TNIP3: variants seen among roughly 807,000 people sequenced by gnomAD.
TNIP3 encodes the protein TNFAIP3-interacting protein 3.
In TNIP3, 34 loss-of-function variants were observed where a neutral mutation model predicts 54.1. That is an observed-to-expected ratio of 0.63 (90% CI 0.48 to 0.84). TNIP3 has a LOEUF of 0.84. Among genes scored for constraint, TNIP3 ranks in the 40% least tolerant of loss-of-function variants. TNIP3 has a pLI of 0.00. For synonymous variants in TNIP3, 134 were observed against 136.8 expected, an observed-to-expected ratio of 0.98 and a Z score of 0.14; for missense variants, 366 against 387.6, an observed-to-expected ratio of 0.94 and a Z score of 0.47.
rs10672885 is a variant in TNIP3, at chr4:121,160,476, CA to C, written c.147+659del. Reference sequence around the variant, plus strand: ...CCTGGGTGACAGAGCAACACTGTCTCAAAAAAAAAAAAGAAGGAATTACAAA... The same window carrying C: ...CCTGGGTGACAGAGCAACACTGTCTCAAAAAAAAAAAGAAGGAATTACAAA... On this transcript the variant is annotated intron_variant, in intron 2 of 10. Coordinates refer to ENST00000057513, the MANE Select transcript of TNIP3 (RefSeq NM_024873.6). Among the ~76,000 whole-genome samples the C allele has an allele frequency of 2.6e-3, 360 of 137,602 alleles. 3 individuals are homozygous for C. Among genetic ancestry groups the C allele is most frequent in the African/African-American group, 4.4e-3 (168 of 38,348 alleles). The allele number at this position is 137,602 out of a possible 152,430, so 90.3% of individuals were successfully genotyped here.
rs1728526462 is a variant in TNIP3 at position 121,132,413 on chromosome 4, T to C, written c.*218A>G. 4.3e-6 allele frequency: 2 copies of C among 460,074 alleles called. No individual in the cohort carries two copies. The highest frequency in any genetic ancestry group is 3.8e-5 in the Admixed American group (1 of 26,132). 28.5% of individuals were successfully genotyped at this position (460,074 alleles called of 1,614,324 possible). A position where few individuals can be genotyped will look rare whatever the true frequency, so the allele number is the denominator to read the frequency against. ...CTCATTTCAAGGAAACTGGAAGTTG[T>C]ATTTGGTTGTATAATAACTGGCTCC... On this transcript the variant is annotated 3_prime_UTR_variant, in exon 11 of 11. Coordinates refer to ENST00000057513, the MANE Select transcript of TNIP3 (RefSeq NM_024873.6).
upstream of TNIP3, among the ~76,000 whole-genome samples, chr4:121,169,203 C>G (rs1415766165): frequency 2.6e-5 from 4 of 152,190 alleles, no homozygotes; most frequent in African/African-American, 7.2e-5. Flanking sequence ...CCAGGCCTCT[C>G]TGACCTCATT....
Position 121,132,980 on chromosome 4 carries a change from T to C in TNIP3, c.947-318A>G, listed in dbSNP as rs147568126. On this transcript the variant is annotated intron_variant, in intron 10 of 10. Transcript: ENST00000057513. Reference sequence around the variant, plus strand: ...TGGGCATGTGAAAGTAAGTCATATATATGACTTAGGTTAGGTTCAGTACTT... The same window carrying C: ...TGGGCATGTGAAAGTAAGTCATATACATGACTTAGGTTAGGTTCAGTACTT... Among the ~76,000 whole-genome samples the C allele has an allele frequency of 7.4e-4, 112 of 152,276 alleles. No individual in the cohort carries two copies. The Middle Eastern group carries it at 0.017, about 23-fold the overall frequency.
At chr4:121,161,082 A>G (rs995884730) in intron 2 of TNIP3, 54 bp downstream of exon 2, 1 of 1,323,298 alleles carries the variant, frequency 7.6e-7, no homozygotes, top group African/African-American at 1.5e-5. Flanking sequence ...ACATTATTTT[A>G]TCCTCAGCAT....
intron 2 of TNIP3, among the ~76,000 whole-genome samples, chr4:121,209,796 T>A (rs1262202157): frequency 6.6e-6 from 1 of 152,194 alleles, no homozygotes; most frequent in Non-Finnish European, 1.5e-5. Context: ...TTATGCAACT[T>A]TTATTCACTC....
intron 2 of TNIP3, among the ~76,000 whole-genome samples, chr4:121,160,588 AG>A (rs746130881): frequency 3.2e-4 from 48 of 152,342 alleles, no homozygotes; most frequent in Non-Finnish European, 5.0e-4. Context: ...ACATTCATTA[AG>A]CTCAGAAAAA....
intron 2 of TNIP3, among the ~76,000 whole-genome samples, chr4:121,212,507 A>C (rs1726526504): frequency 6.6e-6 from 1 of 152,240 alleles, no homozygotes; most frequent in African/African-American, 2.4e-5. Context: ...TTTCTGAAAA[A>C]CTAACAAATT....
chr4:121,185,434 C>A (rs1275403190), intron 2 of TNIP3, among the ~76,000 whole-genome samples: 1 of 152,164 alleles, frequency 6.6e-6, no homozygotes. Flanking sequence ...GTTTTATTTT[C>A]TTCTTTGAAT....
At chr4:121,134,842 G>C (rs1579358415) in intron 10 of TNIP3, among the ~76,000 whole-genome samples, 1 of 152,162 alleles carries the variant, frequency 6.6e-6, no homozygotes, top group South Asian at 2.1e-4. Context: ...TGTGAGCGAC[G>C]TTTCCTCCAG....
chr4:121,218,597 C>A (rs1225329701), upstream of TNIP3, among the ~76,000 whole-genome samples: 13 of 151,218 alleles, frequency 8.6e-5, no homozygotes, highest in African/African-American at 2.7e-4. Flanking sequence ...TCCCTTCCTT[C>A]CTCCTTCTCC....
At chr4:121,223,258 G>A (rs111865355) in intron 1 of TNIP3, among the ~76,000 whole-genome samples, 2,057 of 152,346 alleles carry the variant, frequency 0.014, 48 homozygotes, top group African/African-American at 0.047. Context: ...TGAAAGGGAA[G>A]TAAAGGACAG....
intron 1 of TNIP3, among the ~76,000 whole-genome samples, chr4:121,223,672 C>A (rs1247300708): frequency 6.6e-6 from 1 of 152,186 alleles, no homozygotes; most frequent in Non-Finnish European, 1.5e-5. Context: ...AGATTCAGAG[C>A]ATGAAGAGCA....
chr4:121,157,229 C>T lies in TNIP3; in HGVS notation c.228G>A (p.Lys76=). ...ELYERKVAEL[K]TKLDAAERFL... ...ATCTTTCCGCGGCGTCCAGTTTCGT[C>T]TTCAGCTCTGCTACCTGAGGAGGTC... Residue 76 remains lysine (K), a synonymous_variant, in exon 4 of 11, where the codon AAG becomes AAA. Coordinates refer to ENST00000057513, the MANE Select transcript of TNIP3 (RefSeq NM_024873.6). The T allele has an allele frequency of 6.2e-7, 1 of 1,614,112 alleles. No homozygotes were observed. Among genetic ancestry groups the T allele is most frequent in the Non-Finnish European group, 8.5e-7 (1 of 1,180,024 alleles).
intron 3 of TNIP3, among the ~76,000 whole-genome samples, chr4:121,177,143 C>G (rs954936096): frequency 6.6e-6 from 1 of 152,148 alleles, no homozygotes; most frequent in African/African-American, 2.4e-5. Flanking sequence ...CTGTCCCTTT[C>G]TTTTATATTT....
chr4:121,187,163 A>G (rs1245625253), intron 2 of TNIP3, among the ~76,000 whole-genome samples: 1 of 152,180 alleles, frequency 6.6e-6, no homozygotes, highest in Non-Finnish European at 1.5e-5. Context: ...TGTGCTCTTA[A>G]TACAATACTA....
chr4:121,133,521 C>A (rs371235980), intron 10 of TNIP3, among the ~76,000 whole-genome samples: 4 of 152,146 alleles, frequency 2.6e-5, no homozygotes, highest in South Asian at 4.2e-4. Flanking sequence ...TTAAATAAAT[C>A]CACTAATGAT....
intron 3 of TNIP3, 115 bp from the exon 4 acceptor site, chr4:121,157,358 A>C: frequency 2.2e-6 from 3 of 1,336,626 alleles, no homozygotes; most frequent in Non-Finnish European, 2.1e-6. Context: ...GACGTCCCCT[A>C]AGGAGAGGTT....
At chr4:121,144,071 G>GC (rs1729284875) in intron 7 of TNIP3, among the ~76,000 whole-genome samples, 2 of 152,212 alleles carry the variant, frequency 1.3e-5, no homozygotes, top group Non-Finnish European at 2.9e-5. Context: ...CACAAGTATT[G>GC]ATTTGGGGAT....
intron 1 of TNIP3, among the ~76,000 whole-genome samples, chr4:121,226,226 G>A (rs1488825667): frequency 6.6e-6 from 1 of 151,554 alleles, no homozygotes; most frequent in Non-Finnish European, 1.5e-5. Context: ...CAGAGGCAGA[G>A]GTACACATAG....
Sources: allele counts gnomAD v4.1 joint callset (sites outside exome capture counted in the v4.1 genomes callset), GRCh38; gene constraint gnomAD v4.1.1; transcripts MANE v1.5; gene names NCBI Gene and HGNC (gene_info 2026-07-23, HGNC 2026-07-21).